The following NEK1 variants were observed in gnomAD, a reference collection of about 807,000 sequenced individuals.
NEK1 encodes serine/threonine-protein kinase Nek1.
Under a neutral mutation model 182.1 loss-of-function variants are expected in NEK1, and 137 were observed. The observed-to-expected ratio is 0.75, with a 90% CI of 0.65 to 0.87. The LOEUF (loss-of-function observed/expected upper bound fraction) is 0.87, where lower values mean the gene tolerates loss of function less well. Among genes scored for constraint, NEK1 ranks in the 40% least tolerant of loss-of-function variants. NEK1 has a pLI of 0.00. For missense variants in NEK1, 1,391 were observed against 1,494.4 expected (o/e 0.93, Z 1.14); for synonymous variants, 513 against 492.2 (o/e 1.04, Z -0.56).
chr4:169,513,087 C>A (rs1391953844), intron 19 of NEK1, among the ~76,000 whole-genome samples: 1 of 152,068 alleles, frequency 6.6e-6, no homozygotes, highest in Non-Finnish European at 1.5e-5. Flanking sequence ...AGGTCTTTCT[C>A]TTTCCATATA....
At chr4:169,444,590 A>C (rs1270833518) in intron 27 of NEK1, among the ~76,000 whole-genome samples, 1 of 152,214 alleles carries the variant, frequency 6.6e-6, no homozygotes, top group Admixed American at 6.5e-5. Flanking sequence ...ATGTGCACTC[A>C]ACAGCAGAAC....
In NEK1 at chr4:169,555,782, A is replaced by G. The variant is rs776664093; in HGVS notation, c.1500T>C (p.Ala500=). The change falls in exon 18 of 36, where the codon GCT becomes GCC. Residue 500 remains alanine (A), a synonymous_variant. Transcript: ENST00000507142. ...GAAGHHHFPD[A]DDIRKTLKRL... is the part of the protein sequence containing the mutation. ...TTTTCAAAGTTTTTCTAATATCATC[A>G]GCATCAGGAAAATGGTGATGACCTG... The G allele has an allele frequency of 1.1e-5, 18 of 1,613,768 alleles. No homozygotes were observed. The highest frequency in any genetic ancestry group is 1.3e-5 in the African/African-American group (1 of 74,914).
intron 31 of NEK1, among the ~76,000 whole-genome samples, chr4:169,408,751 C>T (rs1460293083): frequency 6.6e-6 from 1 of 152,190 alleles, no homozygotes; most frequent in Non-Finnish European, 1.5e-5. Flanking sequence ...AGTTACTTCA[C>T]TTAGAATAAT....
rs965219564 is a variant in NEK1 at position 169,419,602 on chromosome 4, G to C, written c.3222+4951C>G. The stretch of plus-strand genomic sequence containing the variant: ...CCCGACAACAATACCACGAAGGACA[G>C]GCAGGACGGGAATGGAAGTACAGTC... On this transcript the variant is annotated intron_variant, in intron 31 of 35. Coordinates refer to ENST00000507142, the MANE Select transcript of NEK1 (RefSeq NM_001199397.3). Among the ~76,000 whole-genome samples the C allele has an allele frequency of 1.2e-4, 19 of 152,308 alleles. 1 individual carries two copies. Among genetic ancestry groups the C allele is most frequent in the African/African-American group, 4.6e-4 (19 of 41,560 alleles).
intron 10 of NEK1, among the ~76,000 whole-genome samples, chr4:169,584,308 T>C (rs1016309608): frequency 1.3e-5 from 2 of 152,112 alleles, no homozygotes; most frequent in African/African-American, 4.8e-5. Flanking sequence ...AATATATAAA[T>C]TACGTTAATA....
At chr4:169,492,452 C>T (rs996946606) in intron 23 of NEK1, among the ~76,000 whole-genome samples, 1 of 152,064 alleles carries the variant, frequency 6.6e-6, no homozygotes, top group Non-Finnish European at 1.5e-5. Flanking sequence ...GGGAGTGTGT[C>T]TCTGCTCCCC....
rs886059222 is a variant in NEK1 at position 169,393,675 on chromosome 4, T to C, written c.*835A>G. 1 of 152,184 alleles carries C rather than the reference T, an allele frequency of 6.6e-6. No individual in the cohort carries two copies. The highest frequency in any genetic ancestry group is 2.4e-5 in the African/African-American group (1 of 41,458). The allele number at this position is 152,184 out of a possible 1,614,324, so 9.4% of individuals were successfully genotyped here. On this transcript the variant is annotated 3_prime_UTR_variant, in exon 36 of 36. Transcript: ENST00000507142. Reference sequence around the variant, plus strand: ...TGTCACAGTGTCAAAATAAAAATAATTATTTCCTCCTTTTTAACATCTTAT... The same window carrying C: ...TGTCACAGTGTCAAAATAAAAATAACTATTTCCTCCTTTTTAACATCTTAT...
At chr4:169,494,499 G>T (rs986496577) in intron 23 of NEK1, among the ~76,000 whole-genome samples, 1 of 152,130 alleles carries the variant, frequency 6.6e-6, no homozygotes, top group African/African-American at 2.4e-5. Context: ...GTCTATCATT[G>T]TTGGACATCT....
At chr4:169,499,305 AT>A (rs145429642) in intron 23 of NEK1, among the ~76,000 whole-genome samples, 42,853 of 151,298 alleles carry the variant, frequency 0.28, 8,603 homozygotes, top group African/African-American at 0.58. Flanking sequence ...CATTCATCTA[AT>A]TTTTTTTTCA....
chr4:169,481,527 T>C (rs913241182), intron 23 of NEK1, among the ~76,000 whole-genome samples: 73 of 152,224 alleles, frequency 4.8e-4, no homozygotes, highest in African/African-American at 1.7e-3. Context: ...TCTCTTTGTA[T>C]AATACATCTC....
chr4:169,442,476 G>C lies in NEK1; in HGVS notation c.2588-4217C>G, dbSNP rs916655159. Among the ~76,000 whole-genome samples, 3 of 151,908 alleles carry C rather than the reference G, an allele frequency of 2.0e-5. No homozygotes were observed. In the East Asian group the frequency reaches 5.8e-4, roughly 29 times the overall value. ...CCTACGAAAGTCAATCCGTAAAATCGGAAGAAGTGATTATTACAATAGATG... is the reference window on the plus strand; with the variant it reads ...CCTACGAAAGTCAATCCGTAAAATCCGAAGAAGTGATTATTACAATAGATG... On this transcript the variant is annotated intron_variant, in intron 27 of 35. Transcript: ENST00000507142.
At chr4:169,456,879 C>CA (rs1041124979) in intron 27 of NEK1, among the ~76,000 whole-genome samples, 1 of 151,816 alleles carries the variant, frequency 6.6e-6, no homozygotes, top group African/African-American at 2.4e-5. Flanking sequence ...TATTCAGCCA[C>CA]AAAAAAAGAA....
intron 29 of NEK1, among the ~76,000 whole-genome samples, chr4:169,426,777 A>T (rs570979015): frequency 6.6e-6 from 1 of 152,248 alleles, no homozygotes; most frequent in African/African-American, 2.4e-5. Context: ...AGAATAGGCA[A>T]GATATACTGT....
chr4:169,579,462 G>C (rs934346857), intron 11 of NEK1, among the ~76,000 whole-genome samples: 1 of 152,230 alleles, frequency 6.6e-6, no homozygotes, highest in African/African-American at 2.4e-5. Flanking sequence ...CTCAGGGATT[G>C]GTGGTCTCTG....
chr4:169,550,607 A>G (rs145445932), intron 18 of NEK1, among the ~76,000 whole-genome samples: 79 of 152,340 alleles, frequency 5.2e-4, no homozygotes, highest in African/African-American at 1.9e-3. Context: ...AATACATTCA[A>G]TTCTCATTAT....
intron 18 of NEK1, among the ~76,000 whole-genome samples, chr4:169,548,005 G>C (rs1268805249): frequency 6.6e-6 from 1 of 152,118 alleles, no homozygotes; most frequent in Admixed American, 6.5e-5. Context: ...GTCCAGTTTT[G>C]TTCCCTTGCT....
At chr4:169,419,854 A>C (rs1404437357) in intron 31 of NEK1, among the ~76,000 whole-genome samples, 1 of 152,162 alleles carries the variant, frequency 6.6e-6, no homozygotes, top group South Asian at 2.1e-4. Context: ...TTGTCTATCT[A>C]AACACTAAGG....
chr4:169,443,051 T>TTATCCATC (rs1739795489), intron 27 of NEK1, among the ~76,000 whole-genome samples: 2 of 141,686 alleles, frequency 1.4e-5, no homozygotes, highest in African/African-American at 5.3e-5. Context: ...TAAAAATATT[T>TTATCCATC]TATCTATCTA....
chr4:169,553,849 G>A (rs1166125635), intron 18 of NEK1, among the ~76,000 whole-genome samples: 2 of 152,206 alleles, frequency 1.3e-5, no homozygotes, highest in East Asian at 1.9e-4. Context: ...CTAAATGCTG[G>A]AGAGGATGTG....
Sources: gnomAD v4.1 joint callset for allele counts (sites outside exome capture counted in the v4.1 genomes callset) on GRCh38, gnomAD v4.1.1 for gene constraint, MANE v1.5 for transcripts, NCBI Gene and HGNC (gene_info 2026-07-23, HGNC 2026-07-21) for gene names.